UNC13C: variants seen among roughly 807,000 people sequenced by gnomAD.
UNC13C encodes protein unc-13 homolog C.
Under a neutral mutation model 245.4 loss-of-function variants are expected in UNC13C, and 174 were observed. The observed-to-expected ratio is 0.71, with a 90% confidence interval of 0.63 to 0.80. The LOEUF is 0.80. Ranked by LOEUF, UNC13C falls within the 30% of genes least tolerant of loss-of-function variation. The probability of loss-of-function intolerance (pLI) is 0.00; values close to 1 mark genes in which losing one functional copy is unlikely to be tolerated. For synonymous variants in UNC13C, 992 were observed against 895.1 expected (o/e 1.11, Z -1.93); for missense variants, 2,829 against 2,602.9 (o/e 1.09, Z -1.89).
At chr15:54,390,520 A>G (rs1048688122) in intron 17 of UNC13C, among the ~76,000 whole-genome samples, 1 of 152,078 alleles carries the variant, frequency 6.6e-6, no homozygotes, top group Admixed American at 6.6e-5. Flanking sequence ...TTTAGTCACT[A>G]TTATAATAAT....
Position 54,628,168 on chromosome 15 carries a change from A to AT in UNC13C, c.*1056dup, listed in dbSNP as rs1374321970. The AT allele has an allele frequency of 6.6e-6, 1 of 152,176 alleles. No individual in the cohort carries two copies. The highest frequency in any genetic ancestry group is 1.5e-5 in the Non-Finnish European group (1 of 68,014). The allele number at this position is 152,176 out of a possible 1,614,324, so 9.4% of individuals were successfully genotyped here. A position where few individuals can be genotyped will look rare whatever the true frequency, so the allele number is the denominator to read the frequency against. ...ATGCATCAAATGCAGTAGGAGAACA[A>AT]TGTAATACAGCTTGGTACCTAAAAA... On this transcript the variant is annotated 3_prime_UTR_variant, in exon 33 of 33. Coordinates refer to ENST00000260323, the MANE Select transcript of UNC13C (RefSeq NM_001080534.3).
At chr15:54,544,343 C>T (rs1463829845) in intron 26 of UNC13C, among the ~76,000 whole-genome samples, 1 of 152,124 alleles carries the variant, frequency 6.6e-6, no homozygotes, top group Non-Finnish European at 1.5e-5. Context: ...CAATATCATA[C>T]TGAATGGGCA....
chr15:54,591,986 G>A (rs1241758804), intron 30 of UNC13C, among the ~76,000 whole-genome samples: 1 of 151,956 alleles, frequency 6.6e-6, no homozygotes, highest in African/African-American at 2.4e-5. Flanking sequence ...GTTTTGATAG[G>A]TTGTATAATT....
intron 23 of UNC13C, among the ~76,000 whole-genome samples, chr15:54,509,525 G>A (rs1894642543): frequency 6.6e-6 from 1 of 151,942 alleles, no homozygotes. Flanking sequence ...CTTTGTTCCA[G>A]ATTGAGATAA....
intron 2 of UNC13C, among the ~76,000 whole-genome samples, chr15:54,058,827 A>C (rs1897663343): frequency 6.6e-6 from 1 of 152,198 alleles, no homozygotes; most frequent in Admixed American, 6.5e-5. Flanking sequence ...CAATAAACGT[A>C]ATCCAGCATA....
At position 54,012,770 on chromosome 15, in the gene UNC13C, C is replaced by T. The variant is rs1895437188; in HGVS notation, c.-134C>T. ...CAGGACAGCGACAATGTGGCAGAGC[C>T]ATGCCTGCCCTTCCTGCTCTTTCCA... On this transcript the variant is annotated 5_prime_UTR_variant, in exon 2 of 33. Coordinates refer to ENST00000260323, the MANE Select transcript of UNC13C (RefSeq NM_001080534.3). The T allele has an allele frequency of 1.4e-6, 1 of 690,452 alleles. No individual in the cohort carries two copies. The highest frequency in any genetic ancestry group is 2.0e-5 in the South Asian group (1 of 50,440). 42.8% of individuals were successfully genotyped at this position (690,452 alleles called of 1,614,324 possible).
the UNC13C span, among the ~76,000 whole-genome samples, chr15:53,966,613 C>T: frequency 6.6e-6 from 1 of 151,972 alleles, no homozygotes. Context: ...TGCCAAAATT[C>T]TGAAGACAGT....
chr15:53,860,755 A>G, the UNC13C span, among the ~76,000 whole-genome samples: 1 of 152,170 alleles, frequency 6.6e-6, no homozygotes, highest in African/African-American at 2.4e-5. Context: ...ACAGTCTTAC[A>G]TTGTCTTCCA....
At chr15:53,987,678 G>C (rs1296859783) in intron 1 of UNC13C, among the ~76,000 whole-genome samples, 2 of 152,010 alleles carry the variant, frequency 1.3e-5, no homozygotes. Flanking sequence ...GGGCGGGACT[G>C]TCATGGACAA....
intron 4 of UNC13C, among the ~76,000 whole-genome samples, chr15:54,220,796 TA>T (rs60128772): frequency 0.045 from 6,903 of 151,798 alleles, 516 homozygotes; most frequent in African/African-American, 0.16. Context: ...ATTGTTTCAT[TA>T]AAAAAATAAG....
At chr15:54,060,785 G>T (rs1897785445) in intron 2 of UNC13C, among the ~76,000 whole-genome samples, 1 of 152,124 alleles carries the variant, frequency 6.6e-6, no homozygotes. Context: ...ATACTATGCA[G>T]CCATAAAAAA....
intron 14 of UNC13C, among the ~76,000 whole-genome samples, chr15:54,329,233 A>G (rs2038378025): frequency 6.6e-6 from 1 of 151,942 alleles, no homozygotes; most frequent in Admixed American, 6.6e-5. Context: ...TAAAATCGGA[A>G]TAACTGGAAT....
At chr15:54,333,515 T>C (rs1194675325) in intron 15 of UNC13C, among the ~76,000 whole-genome samples, 3 of 152,118 alleles carry the variant, frequency 2.0e-5, no homozygotes, top group Admixed American at 6.6e-5. Context: ...AATAATGATA[T>C]TGTTTTGCAT....
chr15:53,942,706 C>G, the UNC13C span, among the ~76,000 whole-genome samples: 2 of 152,274 alleles, frequency 1.3e-5, no homozygotes, highest in Admixed American at 1.3e-4. Flanking sequence ...CTCTGTCACC[C>G]AGGCTGGAGT....
At chr15:54,557,938 T>C (rs970534681) in intron 29 of UNC13C, among the ~76,000 whole-genome samples, 7 of 152,062 alleles carry the variant, frequency 4.6e-5, no homozygotes, top group Non-Finnish European at 1.0e-4. Context: ...AATGATGAGT[T>C]CATGTCCTTT....
At chr15:54,451,960 T>A (rs751354590) in intron 19 of UNC13C, among the ~76,000 whole-genome samples, 1 of 152,194 alleles carries the variant, frequency 6.6e-6, no homozygotes, top group Non-Finnish European at 1.5e-5. Flanking sequence ...TTTGGTTAGG[T>A]AGGGAACATT....
At chr15:53,957,694 G>A in the UNC13C span, among the ~76,000 whole-genome samples, 3 of 152,094 alleles carry the variant, frequency 2.0e-5, no homozygotes, top group Admixed American at 2.0e-4. Flanking sequence ...TGTTGTTTTT[G>A]TTCAATATTC....
At chr15:54,137,773 T>C (rs997788709) in intron 2 of UNC13C, among the ~76,000 whole-genome samples, 3 of 152,166 alleles carry the variant, frequency 2.0e-5, no homozygotes, top group Admixed American at 6.5e-5. Context: ...AAAAAAACCC[T>C]CTTAGTTTCA....
At chr15:54,477,670 T>C (rs1567310247) in intron 19 of UNC13C, among the ~76,000 whole-genome samples, 1 of 136,890 alleles carries the variant, frequency 7.3e-6, no homozygotes, top group Non-Finnish European at 1.6e-5. Flanking sequence ...CACTTGATCA[T>C]GGTGGATAAG....
Sources: gnomAD v4.1 joint callset for allele counts (sites outside exome capture counted in the v4.1 genomes callset) on GRCh38, gnomAD v4.1.1 for gene constraint, MANE v1.5 for transcripts, NCBI Gene and HGNC (gene_info 2026-07-23, HGNC 2026-07-21) for gene names.